Variants in ABCC1 observed in about 807,000 individuals in gnomAD.
ABCC1 encodes multidrug resistance-associated protein 1.
A neutral mutation model predicts 172.9 loss-of-function variants in ABCC1; 83 were observed. The ratio of observed to expected loss-of-function variants is 0.48; its 90% CI spans 0.40 to 0.58. ABCC1 has a LOEUF of 0.58. ABCC1 is among the 20% of genes least tolerant of loss of function. The pLI, the probability that ABCC1 is intolerant of heterozygous loss-of-function variation, is 0.00. For synonymous variants in ABCC1, 937 were observed against 825.2 expected (o/e 1.14, Z -2.32); for missense variants, 1,817 against 2,002.7 (o/e 0.91, Z 1.77).
chr16:16,139,255 G>GT (rs1355515582), intron 30 of ABCC1, among the ~76,000 whole-genome samples: 1 of 152,194 alleles, frequency 6.6e-6, no homozygotes, highest in African/African-American at 2.4e-5. Flanking sequence ...CAGGGCCACT[G>GT]TTTCCATTGA....
At chr16:15,956,199 C>A (rs2045993724) in intron 1 of ABCC1, among the ~76,000 whole-genome samples, 1 of 151,796 alleles carries the variant, frequency 6.6e-6, no homozygotes, top group Non-Finnish European at 1.5e-5. Context: ...CATGGTAAAA[C>A]CCTGTCTCTA....
intron 23 of ABCC1, among the ~76,000 whole-genome samples, chr16:16,119,926 G>T (rs1441097746): frequency 5.3e-5 from 8 of 152,138 alleles, no homozygotes; most frequent in Admixed American, 2.0e-4. Flanking sequence ...GGATTTCATG[G>T]GAGGCGGTGG....
At chr16:16,097,976 AG>A (rs2051557509) in intron 19 of ABCC1, 1 of 152,314 alleles carries the variant, frequency 6.6e-6, no homozygotes, top group South Asian at 2.1e-4. Context: ...CAAACAATTA[AG>A]GGTATCATAG....
chr16:16,101,906 G>T (rs899971915), intron 19 of ABCC1, among the ~76,000 whole-genome samples: 1 of 152,224 alleles, frequency 6.6e-6, no homozygotes, highest in Non-Finnish European at 1.5e-5. Context: ...GTCCTTATCA[G>T]TGTCCTTCCT....
At chr16:15,996,146 G>A (rs1486992179) in intron 1 of ABCC1, among the ~76,000 whole-genome samples, 5 of 151,578 alleles carry the variant, frequency 3.3e-5, no homozygotes, top group African/African-American at 9.7e-5. Context: ...CACCATGCCC[G>A]GCTAATTTTT....
At chr16:16,078,653 A>G (rs1240711201) in intron 15 of ABCC1, among the ~76,000 whole-genome samples, 1 of 151,644 alleles carries the variant, frequency 6.6e-6, no homozygotes, top group East Asian at 1.9e-4. Context: ...TGTGTGGGAC[A>G]CTCCTGCTTT....
Position 16,142,793 on chromosome 16 carries a change from T to C in ABCC1, c.*1512T>C, listed in dbSNP as rs212091. 21,742 of 152,450 alleles carry C rather than the reference T, an allele frequency of 0.14. 1,572 individuals carry two copies. The highest frequency in any genetic ancestry group is 0.24 in the East Asian group (1,236 of 5,148). The allele number at this position is 152,450 out of a possible 1,614,324, so 9.4% of individuals were successfully genotyped here. On this transcript the variant is annotated 3_prime_UTR_variant, in exon 31 of 31. Transcript: ENST00000399410. ...AGCAGCATCTTTTAAAGCCTGTTCT[T>C]TAAGGTGTCTCGTTAGAGCCCAAAG...
chr16:16,140,773 C>T (rs935472717), intron 30 of ABCC1, among the ~76,000 whole-genome samples: 36 of 152,170 alleles, frequency 2.4e-4, no homozygotes, highest in African/African-American at 8.2e-4. Flanking sequence ...AGCAGAGATG[C>T]GTAGTTGTAA....
chr16:16,028,663 C>T (rs902597547), intron 5 of ABCC1, among the ~76,000 whole-genome samples: 27 of 152,304 alleles, frequency 1.8e-4, no homozygotes, highest in Non-Finnish European at 2.9e-4. Context: ...ACTACCTCCA[C>T]GCCTTAGGTT....
intron 7 of ABCC1, among the ~76,000 whole-genome samples, chr16:16,043,458 C>T (rs1377949352): frequency 2.6e-5 from 4 of 151,466 alleles, no homozygotes; most frequent in Non-Finnish European, 5.9e-5. Flanking sequence ...GCCACCATGC[C>T]GGGCTGATTT....
chr16:16,045,992 C>T lies in ABCC1; in HGVS notation c.1197C>T (p.Val399=), dbSNP rs1392994250. ...GTGGCATGAGGATCAAGACCGCTGT[C>T]ATTGGGGCTGTCTATCGGAAGGTAG... ...FVSGMRIKTA[V]IGAVYRKALV... Residue 399 remains valine (V), a synonymous_variant, in exon 9 of 31, where the codon GTC becomes GTT. Coordinates refer to ENST00000399410, the MANE Select transcript of ABCC1 (RefSeq NM_004996.4). 6.2e-7 allele frequency: 1 copy of T among 1,614,162 alleles called. No homozygotes were observed. Among genetic ancestry groups the T allele is most frequent in the Non-Finnish European group, 8.5e-7 (1 of 1,180,038 alleles).
intron 1 of ABCC1, among the ~76,000 whole-genome samples, chr16:16,003,773 ATGGATGGATGAACTGGTGGGTGGG>A (rs1360628976): frequency 9.8e-5 from 6 of 61,534 alleles, no homozygotes; most frequent in African/African-American, 3.0e-4. Flanking sequence ...GGGTGGGTGG[ATGGATGGATGAACTGGTGGGTGGG>A]TGGATGGATG....
rs1323933731 is a variant in ABCC1 at position 16,141,082 on chromosome 16, C to T, written c.4488-91C>T. On this transcript the variant is annotated intron_variant, in intron 30 of 30. Coordinates refer to ENST00000399410, the MANE Select transcript of ABCC1 (RefSeq NM_004996.4). ...AGCAAAAAGTGTTAGGGGCCTGACC[C>T]GAAGCAGTGACTTGCCCAGGTCAGT... is the stretch of plus-strand genomic sequence containing the variant. The T allele has an allele frequency of 3.2e-5, 36 of 1,117,546 alleles. No homozygotes were observed. The East Asian group carries it at 3.3e-4, about 10-fold the overall frequency. 69.2% of individuals were successfully genotyped at this position (1,117,546 alleles called of 1,614,324 possible).
In ABCC1 at chr16:16,127,936, T is replaced by A. The variant is rs1445708913; in HGVS notation, c.3819+2025T>A. On this transcript the variant is annotated intron_variant, in intron 26 of 30. Transcript: ENST00000399410. Reference sequence around the variant, plus strand: ...ATTAGGTTTTTTTTTTTTTTTTTTTTAGATGGAATTTGGCTTTTTTTTTGC... The same window carrying A: ...ATTAGGTTTTTTTTTTTTTTTTTTTAAGATGGAATTTGGCTTTTTTTTTGC... Among the ~76,000 whole-genome samples the A allele has an allele frequency of 4.8e-5, 7 of 146,844 alleles. No homozygotes were observed. In the South Asian group the frequency reaches 6.5e-4, roughly 14 times the overall value.
chr16:16,013,428 G>A (rs1428857398), intron 3 of ABCC1, among the ~76,000 whole-genome samples: 4 of 151,670 alleles, frequency 2.6e-5, no homozygotes, highest in East Asian at 3.9e-4. Context: ...ATGCCACCAC[G>A]CCTGGCTAAT....
rs755348758 is a variant in ABCC1, at chr16:16,016,637, G to T, written c.615+16G>T. ...CCACGACCCTGTAAGTGTGACCACA[G>T]ATGAGTGTGTGTGCGTGTGTGTGTG... On this transcript the variant is annotated intron_variant, in intron 5 of 30. Coordinates refer to ENST00000399410, the MANE Select transcript of ABCC1 (RefSeq NM_004996.4). 2.0e-5 allele frequency: 32 copies of T among 1,614,102 alleles called. No homozygotes were observed. The Admixed American group carries it at 5.2e-4, about 26-fold the overall frequency.
intron 3 of ABCC1, among the ~76,000 whole-genome samples, chr16:16,011,348 G>A (rs953692895): frequency 6.6e-6 from 1 of 152,198 alleles, no homozygotes; most frequent in Non-Finnish European, 1.5e-5. Flanking sequence ...CAGGCAGGGA[G>A]GACAAGGTGT....
intron 19 of ABCC1, among the ~76,000 whole-genome samples, chr16:16,093,476 C>T (rs1419310230): frequency 1.3e-5 from 2 of 152,246 alleles, no homozygotes; most frequent in East Asian, 1.9e-4. Flanking sequence ...CACATCAGCA[C>T]TTAATTTGGT....
chr16:16,064,589 A>G (rs45534233), intron 12 of ABCC1, among the ~76,000 whole-genome samples: 1 of 152,326 alleles, frequency 6.6e-6, no homozygotes, highest in African/African-American at 2.4e-5. Flanking sequence ...TGGCTCACCA[A>G]GGGGGCTGGT....
Sources: allele counts gnomAD v4.1 joint callset (sites outside exome capture counted in the v4.1 genomes callset), GRCh38; gene constraint gnomAD v4.1.1; transcripts MANE v1.5; gene names NCBI Gene and HGNC (gene_info 2026-07-23, HGNC 2026-07-21).